The following MEI4 variants were observed in gnomAD, a reference collection of about 807,000 sequenced individuals.
The protein encoded by MEI4 is meiosis-specific protein MEI4.
MEI4 carries 27 observed loss-of-function variants against 31.4 expected under a neutral mutation model. The observed-to-expected ratio is 0.86, with a 90% confidence interval of 0.63 to 1.19. The LOEUF (loss-of-function observed/expected upper bound fraction) is 1.19. Among genes scored for constraint, MEI4 ranks in the 50% most tolerant of loss-of-function variants. The pLI, the probability that MEI4 is intolerant of heterozygous loss-of-function variation, is 0.00. For synonymous variants in MEI4, 122 were observed against 145.4 expected, an observed-to-expected ratio of 0.84 and a Z score of 1.16; for missense variants, 329 against 398.9, an observed-to-expected ratio of 0.82 and a Z score of 1.49.
intron 2 of MEI4, among the ~76,000 whole-genome samples, chr6:77,731,454 T>A (rs201013617): frequency 1.4e-5 from 2 of 147,862 alleles, no homozygotes; most frequent in South Asian, 4.3e-4. Context: ...TCATGTCCTT[T>A]GCCCACTTTT....
intron 4 of MEI4, among the ~76,000 whole-genome samples, chr6:77,919,396 C>T (rs1200112950): frequency 1.3e-5 from 2 of 152,070 alleles, no homozygotes; most frequent in African/African-American, 2.4e-5. Context: ...TCCTGAATGA[C>T]TACTGGATAC....
chr6:77,899,685 G>A (rs530623285), intron 4 of MEI4, among the ~76,000 whole-genome samples: 24 of 152,080 alleles, frequency 1.6e-4, no homozygotes, highest in Non-Finnish European at 2.9e-4. Flanking sequence ...TAAAACTAGT[G>A]GAAGAGTATC....
intron 4 of MEI4, among the ~76,000 whole-genome samples, chr6:77,846,292 C>A (rs1466953636): frequency 1.3e-5 from 2 of 152,034 alleles, no homozygotes; most frequent in African/African-American, 2.4e-5. Context: ...TCATCACATT[C>A]CATTTTGATT....
intron 4 of MEI4, among the ~76,000 whole-genome samples, chr6:77,836,202 A>G (rs1313318599): frequency 6.6e-6 from 1 of 152,028 alleles, no homozygotes; most frequent in Non-Finnish European, 1.5e-5. Context: ...TTTTTAAGTG[A>G]TTTTTCACAG....
intron 1 of MEI4, among the ~76,000 whole-genome samples, chr6:77,669,219 ATGTGTG>A: frequency 6.6e-6 from 1 of 151,036 alleles, no homozygotes; most frequent in East Asian, 1.9e-4. Context: ...AAGAGGAAGC[ATGTGTG>A]TGTGTGTGTG....
intron 3 of MEI4, among the ~76,000 whole-genome samples, chr6:77,765,610 A>G (rs1254559764): frequency 7.8e-6 from 1 of 128,534 alleles, no homozygotes; most frequent in Non-Finnish European, 1.6e-5. Flanking sequence ...TAGTTCAACC[A>G]TTGTGGAAGA....
At chr6:77,909,626 C>T (rs9448249) in intron 4 of MEI4, among the ~76,000 whole-genome samples, 1 of 152,050 alleles carries the variant, frequency 6.6e-6, no homozygotes, top group Admixed American at 6.6e-5. Context: ...TTCTACCAGA[C>T]GTACAAGGAG....
chr6:77,761,829 T>A (rs1226269253), intron 3 of MEI4, among the ~76,000 whole-genome samples, 164 bp downstream of exon 3: 1 of 152,210 alleles, frequency 6.6e-6, no homozygotes, highest in Non-Finnish European at 1.5e-5. Context: ...ATGTCTCCAC[T>A]TCTAGCCTCT....
intron 2 of MEI4, among the ~76,000 whole-genome samples, chr6:77,737,954 G>A (rs1338202470): frequency 1.3e-5 from 2 of 152,186 alleles, no homozygotes; most frequent in Non-Finnish European, 2.9e-5. Flanking sequence ...ATAGTAGCAA[G>A]GAAGGAAAGC....
At position 77,653,082 on chromosome 6, in the gene MEI4, T is replaced by C. The variant is rs1038869532; in HGVS notation, c.-25T>C. Among the ~76,000 whole-genome samples the C allele has an allele frequency of 6.6e-6, 1 of 152,184 alleles. No homozygotes were observed. Among genetic ancestry groups the C allele is most frequent in the African/African-American group, 2.4e-5 (1 of 41,462 alleles). The stretch of plus-strand genomic sequence containing the variant: ...CCTGTTATCATCTCATTTCTGCTTC[T>C]CTGTTTACTGGTGAGCTGGTTCTCC... On this transcript the variant is annotated 5_prime_UTR_variant, in exon 1 of 5. Coordinates refer to ENST00000684080, the MANE Select transcript of MEI4 (RefSeq NM_001322247.2).
chr6:77,829,707 A>C (rs1182727767), intron 4 of MEI4, among the ~76,000 whole-genome samples: 1 of 152,156 alleles, frequency 6.6e-6, no homozygotes, highest in Non-Finnish European at 1.5e-5. Flanking sequence ...CTGGTTTATT[A>C]CATGTATTCC....
At chr6:77,811,789 A>AAT (rs1554166715) in intron 3 of MEI4, among the ~76,000 whole-genome samples, 6 of 150,284 alleles carry the variant, frequency 4.0e-5, no homozygotes, top group African/African-American at 1.2e-4. Context: ...AAAAAAAAAA[A>AAT]TTGATACTTT....
intron 2 of MEI4, among the ~76,000 whole-genome samples, chr6:77,692,892 A>G (rs150076058): frequency 1.3e-5 from 2 of 152,090 alleles, no homozygotes; most frequent in East Asian, 1.9e-4. Flanking sequence ...ACAGACACAG[A>G]CTTAGGATCT....
At chr6:77,703,243 T>C (rs1766262256) in intron 2 of MEI4, among the ~76,000 whole-genome samples, 1 of 152,200 alleles carries the variant, frequency 6.6e-6, no homozygotes, top group Non-Finnish European at 1.5e-5. Context: ...ATCTGTAGTT[T>C]CTAGATATCT....
intron 1 of MEI4, among the ~76,000 whole-genome samples, chr6:77,678,804 C>G (rs1186608295): frequency 6.6e-6 from 1 of 151,978 alleles, no homozygotes; most frequent in African/African-American, 2.4e-5. Flanking sequence ...AAGTACAGGT[C>G]CATGCATTTT....
At chr6:77,865,557 A>C (rs1399591008) in intron 4 of MEI4, among the ~76,000 whole-genome samples, 2 of 152,066 alleles carry the variant, frequency 1.3e-5, no homozygotes, top group African/African-American at 2.4e-5. Context: ...AATAGACCAA[A>C]AACAGGCTCT....
chr6:77,806,949 A>C (rs1056344811), intron 3 of MEI4, among the ~76,000 whole-genome samples: 1 of 152,120 alleles, frequency 6.6e-6, no homozygotes, highest in Non-Finnish European at 1.5e-5. Flanking sequence ...TAAGGTCTGC[A>C]AAGCCTAATA....
intron 4 of MEI4, among the ~76,000 whole-genome samples, chr6:77,840,316 A>T (rs952181102): frequency 2.0e-5 from 3 of 152,220 alleles, no homozygotes; most frequent in African/African-American, 7.2e-5. Flanking sequence ...TTAAGAAAAA[A>T]GTTATACTGC....
intron 3 of MEI4, among the ~76,000 whole-genome samples, chr6:77,770,344 G>C (rs1362821592): frequency 6.6e-6 from 1 of 151,926 alleles, no homozygotes; most frequent in African/African-American, 2.4e-5. Flanking sequence ...TTTACAATGA[G>C]AAACATTGCT....
Sources: allele counts gnomAD v4.1 joint callset (sites outside exome capture counted in the v4.1 genomes callset), GRCh38; gene constraint gnomAD v4.1.1; transcripts MANE v1.5; gene names NCBI Gene and HGNC (gene_info 2026-07-23, HGNC 2026-07-21).